The following ANKS1A variants were observed in gnomAD, a reference collection of about 807,000 sequenced individuals.
ANKS1A encodes ankyrin repeat and SAM domain-containing protein 1A.
A neutral mutation model predicts 120.3 loss-of-function variants in ANKS1A; 55 were observed. The ratio of observed to expected loss-of-function variants is 0.46; its 90% confidence interval spans 0.37 to 0.57. ANKS1A has a LOEUF of 0.57. Ranked by LOEUF, ANKS1A falls within the 20% of genes least tolerant of loss-of-function variation. ANKS1A has a pLI of 0.00. For synonymous variants in ANKS1A, 590 were observed against 604.7 expected, an observed-to-expected ratio of 0.98 and a Z score of 0.36; for missense variants, 1,123 against 1,480.3, an observed-to-expected ratio of 0.76 and a Z score of 3.96.
intron 1 of ANKS1A, among the ~76,000 whole-genome samples, chr6:34,948,681 A>G (rs981530449): frequency 1.3e-5 from 2 of 152,270 alleles, no homozygotes; most frequent in East Asian, 1.9e-4. Context: ...TCTAACCTCA[A>G]GCGTACCAAA....
At chr6:34,993,357 G>A (rs935898661) in intron 9 of ANKS1A, among the ~76,000 whole-genome samples, 7 of 152,322 alleles carry the variant, frequency 4.6e-5, no homozygotes, top group African/African-American at 1.4e-4. Context: ...AAGACAAGCC[G>A]TGGCCATCAG....
At position 35,088,786 on chromosome 6, in the gene ANKS1A, C is replaced by G. The variant is rs1778139506; in HGVS notation, c.*177C>G. The G allele has an allele frequency of 2.6e-6, 4 of 1,524,768 alleles. No homozygotes were observed. Among genetic ancestry groups the G allele is most frequent in the Non-Finnish European group, 3.5e-6 (4 of 1,138,058 alleles). The allele number at this position is 1,524,768 out of a possible 1,614,324, so 94.5% of individuals were successfully genotyped here. On this transcript the variant is annotated 3_prime_UTR_variant, in exon 24 of 24. Coordinates refer to ENST00000360359, the MANE Select transcript of ANKS1A (RefSeq NM_015245.3). ...CCACCACCACGTCCTGCAGAACGAG[C>G]CCTGCCTTGGCTGTGGAGAAGCACT... is the stretch of plus-strand genomic sequence containing the variant.
At chr6:35,074,502 C>A (rs1777245898) in intron 13 of ANKS1A, among the ~76,000 whole-genome samples, 1 of 151,854 alleles carries the variant, frequency 6.6e-6, no homozygotes, top group Non-Finnish European at 1.5e-5. Flanking sequence ...GAGGCTGAGG[C>A]AGGAGGATCA....
chr6:34,983,147 G>A lies in ANKS1A; in HGVS notation c.843G>A (p.Leu281=). The A allele has an allele frequency of 6.2e-7, 1 of 1,614,140 alleles. No homozygotes were observed. Among genetic ancestry groups the A allele is most frequent in the Non-Finnish European group, 8.5e-7 (1 of 1,180,036 alleles). Residue 281 remains leucine, a synonymous_variant, in exon 6 of 24, where the codon CTG becomes CTA. Coordinates refer to ENST00000360359, the MANE Select transcript of ANKS1A (RefSeq NM_015245.3). ...TCAACATAAAAGATAACCATGGACT[G>A]ACTGCCCTAGACACTGTTCGGGAAC... ...TDVNIKDNHG[L]TALDTVRELP... is the part of the protein sequence containing the mutation.
chr6:34,916,970 C>G (rs760910707), intron 1 of ANKS1A, among the ~76,000 whole-genome samples: 1 of 152,178 alleles, frequency 6.6e-6, no homozygotes, highest in South Asian at 2.1e-4. Context: ...ACCCTATGGT[C>G]GTCCTACCTT....
intron 10 of ANKS1A, among the ~76,000 whole-genome samples, chr6:35,014,164 T>C (rs565676964): frequency 6.6e-6 from 1 of 152,312 alleles, no homozygotes; most frequent in Non-Finnish European, 1.5e-5. Context: ...GTAATTCTTT[T>C]CCCACCCATT....
chr6:34,952,123 C>A (rs1445489679), intron 1 of ANKS1A, among the ~76,000 whole-genome samples: 1 of 152,156 alleles, frequency 6.6e-6, no homozygotes, highest in African/African-American at 2.4e-5. Context: ...TCTAGCTCTG[C>A]GACCCTGGGT....
intron 1 of ANKS1A, among the ~76,000 whole-genome samples, chr6:34,966,304 A>G (rs535256499): frequency 4.1e-4 from 62 of 152,370 alleles, no homozygotes; most frequent in Admixed American, 9.1e-4. Context: ...TTGATAACAT[A>G]TTAGGTTGTA....
At chr6:35,080,052 AGAG>A (rs1325354579) in intron 16 of ANKS1A, 124 bp downstream of exon 16, 13 of 1,101,714 alleles carry the variant, frequency 1.2e-5, no homozygotes, top group Non-Finnish European at 1.7e-5. Context: ...CAACAAGAAG[AGAG>A]GAGTACAGGA....
At chr6:35,075,883 T>C (rs820061) in intron 13 of ANKS1A, among the ~76,000 whole-genome samples, 122,089 of 152,084 alleles carry the variant, frequency 0.8, 49,919 homozygotes, top group South Asian at 0.92. Flanking sequence ...CACCCAGCTT[T>C]CCAAGTAGCT....
chr6:34,910,693 T>C (rs1767867968), intron 1 of ANKS1A, among the ~76,000 whole-genome samples: 1 of 151,808 alleles, frequency 6.6e-6, no homozygotes, highest in South Asian at 2.1e-4. Flanking sequence ...AAACCTCGTC[T>C]CTACTAAAAA....
chr6:34,925,004 G>A (rs1193798972), intron 1 of ANKS1A, among the ~76,000 whole-genome samples: 1 of 152,168 alleles, frequency 6.6e-6, no homozygotes, highest in Non-Finnish European at 1.5e-5. Context: ...TATTGTTGAA[G>A]ACTAATTTTT....
chr6:35,051,493 C>T (rs994588466), intron 11 of ANKS1A, among the ~76,000 whole-genome samples: 2 of 152,224 alleles, frequency 1.3e-5, no homozygotes, highest in Non-Finnish European at 2.9e-5. Context: ...CATTTCAGCC[C>T]TTTCCTTCCC....
downstream of ANKS1A, among the ~76,000 whole-genome samples, chr6:35,095,572 A>G (rs1201973685): frequency 1.9e-4 from 28 of 150,432 alleles, no homozygotes; most frequent in African/African-American, 6.4e-4. Flanking sequence ...AAAAAAAAAA[A>G]AAAGGAAAGA....
At chr6:34,991,743 CATATATACACACAT>C (rs1772572939) in intron 9 of ANKS1A, among the ~76,000 whole-genome samples, 1 of 98,046 alleles carries the variant, frequency 1.0e-5, no homozygotes, top group African/African-American at 7.0e-5. Context: ...CATATATATA[CATATATACACACAT>C]ATATATATAC....
At position 35,079,495 on chromosome 6, in the gene ANKS1A, A is replaced by T. The variant is rs778456757; in HGVS notation, c.2284-21A>T. 6 of 1,612,254 alleles carry T rather than the reference A, an allele frequency of 3.7e-6. No individual in the cohort carries two copies. In the South Asian group the frequency reaches 6.6e-5, roughly 18 times the overall value. On this transcript the variant is annotated intron_variant, in intron 14 of 23. Transcript: ENST00000360359. Reference sequence around the variant, plus strand: ...CTGTGAGTGCTGAGATGTCAGTTTCACCTCCCTCCTTGCCCTGTAGGTGAA... The same window carrying T: ...CTGTGAGTGCTGAGATGTCAGTTTCTCCTCCCTCCTTGCCCTGTAGGTGAA...
intron 3 of ANKS1A, among the ~76,000 whole-genome samples, chr6:34,972,200 C>T (rs1158487696): frequency 1.3e-5 from 2 of 152,146 alleles, no homozygotes; most frequent in Non-Finnish European, 2.9e-5. Flanking sequence ...GCTTAACCTG[C>T]TCACAGCTGC....
Position 34,982,133 on chromosome 6 carries a change from G to C in ANKS1A, c.732+147G>C. ...CTTATTTGCCGACTCATTCTAATGT[G>C]ACACTAAGAAACAAATGAACTCCTC... On this transcript the variant is annotated intron_variant, in intron 4 of 23. Coordinates refer to ENST00000360359, the MANE Select transcript of ANKS1A (RefSeq NM_015245.3). The surrounding 1 kb of genome is among the most constrained non-coding windows in gnomAD (Gnocchi z 4.9). 6.7e-6 allele frequency: 7 copies of C among 1,046,556 alleles called. No homozygotes were observed. Among genetic ancestry groups the C allele is most frequent in the Non-Finnish European group, 9.5e-6 (7 of 740,328 alleles). The allele number at this position is 1,046,556 out of a possible 1,614,324, so 64.8% of individuals were successfully genotyped here. A position where few individuals can be genotyped will look rare whatever the true frequency, so the allele number is the denominator to read the frequency against.
chr6:34,968,733 C>T (rs1327890261), intron 2 of ANKS1A, among the ~76,000 whole-genome samples: 5 of 151,986 alleles, frequency 3.3e-5, no homozygotes, highest in South Asian at 2.1e-4. Context: ...CCACTGCGCC[C>T]GGCCAGCAGT....
Sources: gnomAD v4.1 joint callset for allele counts (sites outside exome capture counted in the v4.1 genomes callset) on GRCh38, gnomAD v4.1.1 for gene constraint, Gnocchi (gnomAD v3.1) non-coding constraint, MANE v1.5 for transcripts, NCBI Gene and HGNC (gene_info 2026-07-23, HGNC 2026-07-21) for gene names.